Variants in HCN1 observed in about 807,000 individuals in gnomAD.
The protein encoded by HCN1 is hyperpolarization activated cyclic nucleotide gated potassium channel 1, also known as potassium/sodium hyperpolarization-activated cyclic nucleotide-gated channel 1.
A neutral mutation model predicts 78.9 loss-of-function variants in HCN1; 13 were observed. The ratio of observed to expected loss-of-function variants is 0.16; its 90% confidence interval spans 0.11 to 0.26. The LOEUF (loss-of-function observed/expected upper bound fraction) is 0.26. Ranked by LOEUF, HCN1 falls within the 10% of genes least tolerant of loss-of-function variation. HCN1 has a pLI of 1.00. For missense variants in HCN1, 810 were observed against 1,154.3 expected (o/e 0.70, Z 4.32); for synonymous variants, 552 against 455.5 (o/e 1.21, Z -2.70).
At position 45,309,431 on chromosome 5, in the gene HCN1, C is replaced by A. The variant is rs1296468278; in HGVS notation, c.1378-5592G>T. 5.3e-5 allele frequency among the ~76,000 whole-genome samples: 8 copies of A among 152,034 alleles called. No homozygotes were observed. The East Asian group carries it at 1.5e-3, about 29-fold the overall frequency. On this transcript the variant is annotated intron_variant, in intron 5 of 7. Coordinates refer to ENST00000303230, the MANE Select transcript of HCN1 (RefSeq NM_021072.4). ...GAATAAGAGTGGTGAGAGAAGATACCCTAGTCTGGTGCTGGTTTTAAAAGG... is the reference window on the plus strand; with the variant it reads ...GAATAAGAGTGGTGAGAGAAGATACACTAGTCTGGTGCTGGTTTTAAAAGG...
chr5:45,692,566 G>T (rs1443516678), intron 1 of HCN1, among the ~76,000 whole-genome samples: 1 of 152,112 alleles, frequency 6.6e-6, no homozygotes. Flanking sequence ...TATACTATTG[G>T]ACTGCTTTTT....
At chr5:45,413,401 C>T (rs954900597) in intron 3 of HCN1, among the ~76,000 whole-genome samples, 29 of 151,956 alleles carry the variant, frequency 1.9e-4, no homozygotes, top group African/African-American at 4.8e-4. Context: ...GTAAACCAGT[C>T]GGTGCCTTGA....
chr5:45,373,511 T>C (rs1407347463), intron 4 of HCN1, among the ~76,000 whole-genome samples: 1 of 141,062 alleles, frequency 7.1e-6, no homozygotes, highest in Admixed American at 7.7e-5. Context: ...ATATACATCA[T>C]CTATAATATA....
chr5:45,682,109 C>G (rs1017071570), intron 1 of HCN1, among the ~76,000 whole-genome samples: 18 of 151,954 alleles, frequency 1.2e-4, no homozygotes, highest in Non-Finnish European at 2.5e-4. Flanking sequence ...GACAAGCAGA[C>G]TCACACCAGA....
At chr5:45,391,966 G>A (rs1739574913) in intron 4 of HCN1, among the ~76,000 whole-genome samples, 1 of 152,032 alleles carries the variant, frequency 6.6e-6, no homozygotes, top group Non-Finnish European at 1.5e-5. Flanking sequence ...TTAAGGGGGT[G>A]GAGTGAAGGT....
At chr5:45,463,196 C>T (rs1741200270) in intron 2 of HCN1, among the ~76,000 whole-genome samples, 1 of 151,818 alleles carries the variant, frequency 6.6e-6, no homozygotes, top group Non-Finnish European at 1.5e-5. Flanking sequence ...GAAATGATAT[C>T]TTTGTAGGAA....
At chr5:45,506,801 A>T (rs768371413) in intron 2 of HCN1, among the ~76,000 whole-genome samples, 1 of 152,148 alleles carries the variant, frequency 6.6e-6, no homozygotes, top group African/African-American at 2.4e-5. Context: ...TTTGATATTA[A>T]TCTTGATTAT....
At chr5:45,477,757 G>A (rs1741549065) in intron 2 of HCN1, among the ~76,000 whole-genome samples, 1 of 151,892 alleles carries the variant, frequency 6.6e-6, no homozygotes, top group Non-Finnish European at 1.5e-5. Flanking sequence ...AATGTAAAGG[G>A]CATAACATGT....
At chr5:45,675,260 C>A (rs1322083651) in intron 1 of HCN1, among the ~76,000 whole-genome samples, 3 of 151,674 alleles carry the variant, frequency 2.0e-5, no homozygotes, top group African/African-American at 7.3e-5. Context: ...CTTAAGATAT[C>A]CTAGGCCAGC....
intron 2 of HCN1, among the ~76,000 whole-genome samples, chr5:45,619,423 TA>T (rs1745017104): frequency 6.6e-6 from 1 of 152,044 alleles, no homozygotes; most frequent in East Asian, 1.9e-4. Context: ...AAGGAAGTGC[TA>T]AAAAATATAC....
chr5:45,424,117 TCCAAAAAAA>T (rs1157920324), intron 3 of HCN1, among the ~76,000 whole-genome samples: 1 of 48,774 alleles, frequency 2.1e-5, no homozygotes, highest in African/African-American at 7.3e-5. Context: ...CTACTAAAAA[TCCAAAAAAA>T]AAAAAAAAAA....
chr5:45,373,540 G>C (rs536618103), intron 4 of HCN1, among the ~76,000 whole-genome samples: 28 of 134,992 alleles, frequency 2.1e-4, no homozygotes, highest in Admixed American at 1.6e-3. Flanking sequence ...ACATTATATA[G>C]GTCATCTATA....
rs1412387196 is a variant in HCN1 at position 45,264,460 on chromosome 5, T to TAACA, written c.1784-1654_1784-1651dup. 2.6e-5 allele frequency among the ~76,000 whole-genome samples: 4 copies of TAACA among 152,316 alleles called. No homozygotes were observed. The East Asian group carries it at 7.7e-4, about 29-fold the overall frequency. ...CAATTTGCGATATTGCTAAATAAAC[T>TAACA]AACACATTAAAGGTAACAAAATATA... On this transcript the variant is annotated intron_variant, in intron 7 of 7. Transcript: ENST00000303230.
chr5:45,639,339 G>A (rs1745412122), intron 2 of HCN1, among the ~76,000 whole-genome samples: 1 of 152,094 alleles, frequency 6.6e-6, no homozygotes, highest in African/African-American at 2.4e-5. Context: ...CAGTAGATGT[G>A]CTAATTTCAG....
chr5:45,331,158 T>C (rs190925159), intron 5 of HCN1, among the ~76,000 whole-genome samples: 1,758 of 151,350 alleles, frequency 0.012, 23 homozygotes, highest in Middle Eastern at 0.024. Flanking sequence ...TTACATCAGG[T>C]AAAGTGTAGA....
chr5:45,359,649 T>C (rs1747073027), intron 4 of HCN1, among the ~76,000 whole-genome samples: 1 of 151,804 alleles, frequency 6.6e-6, no homozygotes, highest in Admixed American at 6.6e-5. Context: ...CTACATTAAC[T>C]AGCTATTTGA....
At chr5:45,504,560 A>G (rs1447397994) in intron 2 of HCN1, among the ~76,000 whole-genome samples, 1 of 152,162 alleles carries the variant, frequency 6.6e-6, no homozygotes, top group African/African-American at 2.4e-5. Context: ...CAATAAACAT[A>G]CGTGTGCATG....
At chr5:45,350,534 G>T (rs1175276117) in intron 5 of HCN1, among the ~76,000 whole-genome samples, 5 of 151,560 alleles carry the variant, frequency 3.3e-5, no homozygotes, top group Non-Finnish European at 1.5e-5. Flanking sequence ...GGGCAATCAG[G>T]CAGGAGAAGG....
At chr5:45,357,204 C>T (rs1030004407) in intron 4 of HCN1, among the ~76,000 whole-genome samples, 4 of 152,012 alleles carry the variant, frequency 2.6e-5, no homozygotes, top group African/African-American at 7.2e-5. Context: ...CCCAAGTAAA[C>T]GACTAAGAAA....
Sources: gnomAD v4.1 joint callset for allele counts (sites outside exome capture counted in the v4.1 genomes callset) on GRCh38, gnomAD v4.1.1 for gene constraint, MANE v1.5 for transcripts, NCBI Gene and HGNC (gene_info 2026-07-23, HGNC 2026-07-21) for gene names.